Variants in FAM20C observed in about 807,000 individuals in gnomAD.
The protein encoded by FAM20C is FAM20C golgi associated secretory pathway kinase, also known as extracellular serine/threonine protein kinase FAM20C.
Under a neutral mutation model 51.5 loss-of-function variants are expected in FAM20C, and 40 were observed. The ratio of observed to expected loss-of-function variants is 0.78; its 90% CI spans 0.60 to 1.01. The LOEUF (loss-of-function observed/expected upper bound fraction) is 1.01. FAM20C is among the 50% of genes least tolerant of loss of function. FAM20C has a pLI of 0.00. For synonymous variants in FAM20C, 406 were observed against 380.6 expected, an observed-to-expected ratio of 1.07 and a Z score of -0.78; for missense variants, 861 against 844.7, an observed-to-expected ratio of 1.02 and a Z score of -0.24.
intron 3 of FAM20C, among the ~76,000 whole-genome samples, chr7:245,537 G>C (rs1788117708): frequency 6.6e-6 from 1 of 152,170 alleles, no homozygotes; most frequent in African/African-American, 2.4e-5. Flanking sequence ...GTGGAGGCAG[G>C]GGCCGGCCTT....
chr7:242,135 G>A (rs1787965901), intron 3 of FAM20C, among the ~76,000 whole-genome samples: 1 of 152,142 alleles, frequency 6.6e-6, no homozygotes, highest in East Asian at 1.9e-4. Flanking sequence ...CTGCTACTGA[G>A]ACGTCCACAT....
At chr7:207,625 C>A (rs1198443824) in intron 2 of FAM20C, among the ~76,000 whole-genome samples, 1 of 152,244 alleles carries the variant, frequency 6.6e-6, no homozygotes, top group African/African-American at 2.4e-5. Flanking sequence ...ACGTCTGTGC[C>A]GGCAGGGATG....
At chr7:251,678 G>A (rs1357555344) in intron 5 of FAM20C, among the ~76,000 whole-genome samples, 2 of 152,140 alleles carry the variant, frequency 1.3e-5, no homozygotes, top group African/African-American at 4.8e-5. Context: ...GGCGGCCATC[G>A]ACCACCTTTG....
rs953828023 is a variant in FAM20C, at chr7:260,188, T to C, written c.*208T>C. On this transcript the variant is annotated 3_prime_UTR_variant, in exon 10 of 10. Transcript: ENST00000313766. The stretch of plus-strand genomic sequence containing the variant: ...CCAGAAAAGCTTGGGAAGGAAGCGC[T>C]GTCTGTGCTCACGGACAGAGGCGGC... 4.4e-6 allele frequency: 3 copies of C among 676,010 alleles called. No individual in the cohort carries two copies. The highest frequency in any genetic ancestry group is 1.8e-5 in the African/African-American group (1 of 54,542). 41.9% of individuals were successfully genotyped at this position (676,010 alleles called of 1,614,324 possible).
At chr7:259,352 C>T (rs139524722) in intron 9 of FAM20C, among the ~76,000 whole-genome samples, 1,844 of 152,318 alleles carry the variant, frequency 0.012, 40 homozygotes, top group African/African-American at 0.041. Flanking sequence ...CGGCAGACCA[C>T]GCCGAAGCAG....
chr7:237,750 AATGATG>A (rs1174722369), intron 3 of FAM20C, among the ~76,000 whole-genome samples: 1 of 142,982 alleles, frequency 7.0e-6, no homozygotes, highest in Non-Finnish European at 1.5e-5. Context: ...AGATGATGAT[AATGATG>A]ATGATGGTGA....
chr7:253,755 C>T (rs555664026), intron 5 of FAM20C, among the ~76,000 whole-genome samples: 14 of 146,388 alleles, frequency 9.6e-5, no homozygotes, highest in African/African-American at 2.8e-4. Context: ...CTTTAATACC[C>T]GATTTGGATC....
chr7:203,067 A>T (rs1786205281), intron 2 of FAM20C, among the ~76,000 whole-genome samples: 2 of 152,140 alleles, frequency 1.3e-5, no homozygotes, highest in Admixed American at 1.3e-4. Flanking sequence ...AGGGCTTAGC[A>T]GGTGAGTCTC....
At chr7:212,876 CTG>C (rs1317089910) in intron 3 of FAM20C, among the ~76,000 whole-genome samples, 1 of 152,224 alleles carries the variant, frequency 6.6e-6, no homozygotes, top group Admixed American at 6.5e-5. Flanking sequence ...CGGCTCAGAA[CTG>C]TGCGTTCATC....
chr7:250,997 G>A (rs1788374317), intron 5 of FAM20C, among the ~76,000 whole-genome samples: 1 of 152,236 alleles, frequency 6.6e-6, no homozygotes, highest in Non-Finnish European at 1.5e-5. Context: ...CGGTCACAGG[G>A]TCACGCAGGG....
chr7:251,841 C>T (rs557915749), intron 5 of FAM20C, among the ~76,000 whole-genome samples: 4 of 152,322 alleles, frequency 2.6e-5, no homozygotes, highest in Non-Finnish European at 5.9e-5. Context: ...CTTCCTCGGC[C>T]ACCAGAGGCC....
chr7:204,459 G>C (rs1430454587), intron 2 of FAM20C, among the ~76,000 whole-genome samples: 1 of 152,272 alleles, frequency 6.6e-6, no homozygotes, highest in Non-Finnish European at 1.5e-5. Context: ...GTCAAACGTG[G>C]TTCCTGACAG....
intron 3 of FAM20C, among the ~76,000 whole-genome samples, chr7:243,048 A>G (rs184375912): frequency 0.078 from 9,046 of 116,062 alleles, 438 homozygotes; most frequent in Middle Eastern, 0.086. Flanking sequence ...TGTGCCACCC[A>G]GGAGACCTGT....
chr7:254,069 C>T (rs891264831), intron 5 of FAM20C, among the ~76,000 whole-genome samples: 6 of 143,852 alleles, frequency 4.2e-5, no homozygotes, highest in African/African-American at 1.3e-4. Flanking sequence ...TGAGGGGGCG[C>T]GGGAAGGAGG....
chr7:237,060 T>C (rs1475858454), intron 3 of FAM20C, among the ~76,000 whole-genome samples: 2 of 152,354 alleles, frequency 1.3e-5, no homozygotes, highest in African/African-American at 2.4e-5. Flanking sequence ...GTGAGGCAGA[T>C]TGGCTTGGCC....
At chr7:248,190 A>T in intron 4 of FAM20C, 125 bp from the exon 5 acceptor site, 1 of 648,956 alleles carries the variant, frequency 1.5e-6, no homozygotes, top group Non-Finnish European at 2.6e-6. Flanking sequence ...AGGCAGGGAC[A>T]CAGAGGCCCG....
chr7:256,945 C>G (rs1419443278), intron 7 of FAM20C, 60 bp from the exon 8 acceptor site: 6 of 1,512,886 alleles, frequency 4.0e-6, no homozygotes, highest in Non-Finnish European at 5.3e-6. Flanking sequence ...AGCACAGAGG[C>G]CTCTGAGCTA....
At chr7:257,238 G>A in intron 8 of FAM20C, 152 bp downstream of exon 8, 1 of 813,560 alleles carries the variant, frequency 1.2e-6, no homozygotes, top group Admixed American at 2.8e-5. Flanking sequence ...CAGATGCAGA[G>A]GGCGGCCCCA....
chr7:223,333 C>T (rs1787324036), intron 3 of FAM20C, among the ~76,000 whole-genome samples: 1 of 152,180 alleles, frequency 6.6e-6, no homozygotes, highest in Admixed American at 6.5e-5. Context: ...TGAGTCTTAG[C>T]TCAGCATTGT....
Sources: gnomAD v4.1 joint callset for allele counts (sites outside exome capture counted in the v4.1 genomes callset) on GRCh38, gnomAD v4.1.1 for gene constraint, MANE v1.5 for transcripts, NCBI Gene and HGNC (gene_info 2026-07-23, HGNC 2026-07-21) for gene names.